FBXL7: variants seen among roughly 807,000 people sequenced by gnomAD.
The protein encoded by FBXL7 is F-box and leucine rich repeat protein 7, also known as F-box/LRR-repeat protein 7.
FBXL7 carries 12 observed loss-of-function variants against 38.3 expected under a neutral mutation model. The ratio of observed to expected loss-of-function variants is 0.31; its 90% CI spans 0.20 to 0.51. FBXL7 has a LOEUF of 0.51. FBXL7 is among the 20% of genes least tolerant of loss of function. FBXL7 has a pLI of 0.98. For synonymous variants in FBXL7, 297 were observed against 300.9 expected (o/e 0.99, Z 0.13); for missense variants, 567 against 676.4 (o/e 0.84, Z 1.79).
chr5:15,896,246 G>A (rs538838359), intron 2 of FBXL7, among the ~76,000 whole-genome samples: 8 of 152,118 alleles, frequency 5.3e-5, no homozygotes, highest in African/African-American at 1.9e-4. Flanking sequence ...GCCTGGTCTC[G>A]AACTCCTGAC....
chr5:15,872,791 A>G lies in FBXL7; in HGVS notation c.128-55099A>G, dbSNP rs1740023529. ...ACCCAGATTCATAAAGCAAGTTCATAGAGACTACATAGAGATGTAGATTCC... is the reference window on the plus strand; with the variant it reads ...ACCCAGATTCATAAAGCAAGTTCATGGAGACTACATAGAGATGTAGATTCC... On this transcript the variant is annotated intron_variant, in intron 2 of 3. Transcript: ENST00000504595. Among the ~76,000 whole-genome samples, 3 of 152,202 alleles carry G rather than the reference A, an allele frequency of 2.0e-5. No individual in the cohort carries two copies. In the South Asian group the frequency reaches 6.2e-4, roughly 31 times the overall value.
chr5:15,768,666 G>A (rs1329369801), intron 2 of FBXL7, among the ~76,000 whole-genome samples: 1 of 152,178 alleles, frequency 6.6e-6, no homozygotes, highest in Non-Finnish European at 1.5e-5. Flanking sequence ...GCCTTCTTCT[G>A]GGATGGGGCT....
chr5:15,890,404 G>A (rs1270785701), intron 2 of FBXL7, among the ~76,000 whole-genome samples: 1 of 152,084 alleles, frequency 6.6e-6, no homozygotes, highest in African/African-American at 2.4e-5. Context: ...ATGACGCCCA[G>A]CTAATTTTGT....
intron 2 of FBXL7, among the ~76,000 whole-genome samples, chr5:15,882,962 A>T (rs1579565533): frequency 3.5e-5 from 1 of 28,666 alleles, no homozygotes. Flanking sequence ...CACTTTAATC[A>T]TTTTAGAAAA....
At chr5:15,750,435 C>T (rs532842405) in intron 2 of FBXL7, among the ~76,000 whole-genome samples, 1 of 152,142 alleles carries the variant, frequency 6.6e-6, no homozygotes. Flanking sequence ...ACACTATCCT[C>T]TGACCTTGAG....
At chr5:15,589,340 G>A (rs747169119) in intron 1 of FBXL7, among the ~76,000 whole-genome samples, 1 of 151,988 alleles carries the variant, frequency 6.6e-6, no homozygotes, top group Non-Finnish European at 1.5e-5. Context: ...GATTTCCCCC[G>A]GCTTTTCTCA....
intron 2 of FBXL7, among the ~76,000 whole-genome samples, chr5:15,716,484 G>A (rs1186661251): frequency 6.6e-6 from 1 of 151,996 alleles, no homozygotes; most frequent in Non-Finnish European, 1.5e-5. Context: ...TTTCTCCTTG[G>A]TCCTCCTGGC....
chr5:15,819,868 C>G (rs1407879087), intron 2 of FBXL7, among the ~76,000 whole-genome samples: 1 of 152,130 alleles, frequency 6.6e-6, no homozygotes, highest in Admixed American at 6.5e-5. Flanking sequence ...TGAGCTGAGT[C>G]GTGGTATCCC....
intron 2 of FBXL7, among the ~76,000 whole-genome samples, chr5:15,847,523 A>G (rs1001280049): frequency 2.0e-4 from 30 of 152,196 alleles, no homozygotes; most frequent in African/African-American, 6.7e-4. Context: ...ATCAGCCCCC[A>G]CAATATCTGT....
chr5:15,805,712 A>G (rs1737693688), intron 2 of FBXL7, among the ~76,000 whole-genome samples: 1 of 152,162 alleles, frequency 6.6e-6, no homozygotes, highest in Non-Finnish European at 1.5e-5. Context: ...ATCTATTCAG[A>G]AAAAAAGGGT....
chr5:15,720,911 G>A (rs1250506279), intron 2 of FBXL7, among the ~76,000 whole-genome samples: 1 of 151,968 alleles, frequency 6.6e-6, no homozygotes, highest in East Asian at 1.9e-4. Context: ...GGTTAAGATA[G>A]AAATATGTTT....
At position 15,936,401 on chromosome 5, in the gene FBXL7, T is replaced by A. The variant is rs571441703; in HGVS notation, c.740-49T>A. 1.9e-6 allele frequency: 3 copies of A among 1,577,054 alleles called. No homozygotes were observed. On this transcript the variant is annotated intron_variant, in intron 3 of 3. Transcript: ENST00000504595. The surrounding 1 kb of genome is among the most constrained non-coding windows in gnomAD (Gnocchi z 6.0). ...GCCCCAGGGCATCCCCAGGCGTGGC[T>A]CCCCTGCTGGCAGGTTGCTCTGAGC...
At chr5:15,711,555 T>C (rs187958167) in intron 2 of FBXL7, among the ~76,000 whole-genome samples, 14 of 152,298 alleles carry the variant, frequency 9.2e-5, no homozygotes, top group Non-Finnish European at 1.8e-4. Flanking sequence ...TACAATTCAA[T>C]CCATAACAGG....
intron 1 of FBXL7, among the ~76,000 whole-genome samples, chr5:15,521,899 G>A (rs181096282): frequency 5.3e-5 from 8 of 152,252 alleles, no homozygotes; most frequent in African/African-American, 9.6e-5. Flanking sequence ...ACATTTCTTC[G>A]TACTGAGCAA....
intron 1 of FBXL7, among the ~76,000 whole-genome samples, chr5:15,547,615 A>T (rs1267310875): frequency 1.3e-5 from 2 of 152,296 alleles, no homozygotes; most frequent in East Asian, 3.9e-4. Flanking sequence ...TCTCATCTGC[A>T]CACACTCCAC....
intron 2 of FBXL7, among the ~76,000 whole-genome samples, chr5:15,673,779 A>T (rs928642534): frequency 1.7e-4 from 25 of 147,368 alleles, no homozygotes; most frequent in African/African-American, 4.2e-4. Context: ...TATTATTATT[A>T]TTTTTTTTTT....
chr5:15,608,995 A>G (rs959942019), intron 1 of FBXL7, among the ~76,000 whole-genome samples: 2 of 152,158 alleles, frequency 1.3e-5, no homozygotes, highest in Non-Finnish European at 2.9e-5. Context: ...ACAGACTTGC[A>G]CGTGAGCATA....
At chr5:15,804,705 G>A (rs146808926) in intron 2 of FBXL7, among the ~76,000 whole-genome samples, 1 of 152,166 alleles carries the variant, frequency 6.6e-6, no homozygotes, top group African/African-American at 2.4e-5. Context: ...TCAGATCAGT[G>A]GCAGCATTAG....
intron 2 of FBXL7, among the ~76,000 whole-genome samples, chr5:15,621,027 C>T (rs1408980334): frequency 6.6e-6 from 1 of 152,148 alleles, no homozygotes; most frequent in Non-Finnish European, 1.5e-5. Flanking sequence ...CACTCTGGGT[C>T]GTAAGGCTGT....
Sources: gnomAD v4.1 joint callset for allele counts (sites outside exome capture counted in the v4.1 genomes callset) on GRCh38, gnomAD v4.1.1 for gene constraint, Gnocchi (gnomAD v3.1) non-coding constraint, MANE v1.5 for transcripts, NCBI Gene and HGNC (gene_info 2026-07-23, HGNC 2026-07-21) for gene names.